DIAPH2: variants seen among roughly 807,000 people sequenced by gnomAD.
DIAPH2 encodes the protein diaphanous related formin 2, also known as protein diaphanous homolog 2.
Under a neutral mutation model 92.7 loss-of-function variants are expected in DIAPH2, and 35 were observed. The ratio of observed to expected loss-of-function variants is 0.38; its 90% CI spans 0.29 to 0.50. The LOEUF (loss-of-function observed/expected upper bound fraction) is 0.50. Ranked by LOEUF, DIAPH2 falls within the 20% of genes least tolerant of loss-of-function variation. The pLI is 0.94. For synonymous variants in DIAPH2, 301 were observed against 280.4 expected, an observed-to-expected ratio of 1.07 and a Z score of -0.73; for missense variants, 701 against 819.5, an observed-to-expected ratio of 0.86 and a Z score of 1.77.
At chrX:96,827,102 C>A (rs1180362862) in intron 4 of DIAPH2, among the ~76,000 whole-genome samples, 1 of 112,514 alleles carries the variant, frequency 8.9e-6, no homozygotes, top group Non-Finnish European at 1.9e-5. Flanking sequence ...GAAACACATT[C>A]TTGTACTTGA....
intron 26 of DIAPH2, among the ~76,000 whole-genome samples, chrX:97,595,793 C>T (rs1366741565): frequency 1.8e-5 from 2 of 110,786 alleles, no homozygotes; most frequent in East Asian, 2.9e-4. Flanking sequence ...CCACCATGCC[C>T]GGCTAATTTT....
At chrX:97,042,588 A>G (rs919855263) in intron 17 of DIAPH2, among the ~76,000 whole-genome samples, 1 of 112,064 alleles carries the variant, frequency 8.9e-6, no homozygotes, top group Non-Finnish European at 1.9e-5. Context: ...ATACATGTGT[A>G]TGCATATCAG....
intron 23 of DIAPH2, among the ~76,000 whole-genome samples, chrX:97,294,747 C>T (rs188516768): frequency 5.4e-5 from 6 of 111,490 alleles, no homozygotes; most frequent in Admixed American, 2.9e-4. Context: ...TGTAAAATTG[C>T]GAGTAATTTT....
chrX:96,832,388 T>C (rs1352902451), intron 4 of DIAPH2, among the ~76,000 whole-genome samples: 3 of 111,416 alleles, frequency 2.7e-5, no homozygotes, highest in East Asian at 5.6e-4. Flanking sequence ...ATGGCTTATA[T>C]TGAGAGAAGG....
chrX:97,541,970 G>C (rs2071143778), intron 26 of DIAPH2, among the ~76,000 whole-genome samples: 1 of 112,300 alleles, frequency 8.9e-6, no homozygotes, highest in Non-Finnish European at 1.9e-5. Context: ...GGGGTAAATT[G>C]TATGAGGGTT....
intron 22 of DIAPH2, among the ~76,000 whole-genome samples, chrX:97,170,423 C>A (rs935630668): frequency 1.8e-5 from 2 of 111,871 alleles, no homozygotes; most frequent in African/African-American, 6.5e-5. Flanking sequence ...TGATAAAAGT[C>A]TTTTGTAAAG....
At position 96,937,323 on chromosome X, in the gene DIAPH2, C is replaced by T. The variant is rs2065663881; in HGVS notation, c.1180C>T (p.Arg394Cys). 1.8e-6 allele frequency: 2 copies of T among 1,134,862 alleles called. No individual in the cohort carries two copies. Among genetic ancestry groups the T allele is most frequent in the Admixed American group, 2.3e-5 (1 of 43,308 alleles). The allele number at this position is 1,134,862 out of a possible 1,213,427, so 93.5% of individuals were successfully genotyped here. The change falls in exon 11 of 27, where the codon CGT (arginine) becomes TGT (cysteine). Residue 394 changes from arginine to cysteine, a missense_variant. Transcript: ENST00000324765. ...AGATGACCTAACTGAATTATCACAC[C>T]GTCTCAATGACATTCGAGCAGAAAT... ...KEDDLTELSH[R>C]LNDIRAEMDD...
At chrX:97,556,912 A>C (rs1338127330) in intron 26 of DIAPH2, among the ~76,000 whole-genome samples, 3 of 111,968 alleles carry the variant, frequency 2.7e-5, no homozygotes, top group Non-Finnish European at 5.6e-5. Context: ...TGTCTCAACA[A>C]AATGCTATGG....
chrX:96,781,243 G>A (rs1423620314), intron 4 of DIAPH2, among the ~76,000 whole-genome samples: 2 of 111,738 alleles, frequency 1.8e-5, no homozygotes, highest in Non-Finnish European at 3.8e-5. Flanking sequence ...GTAAATCTGT[G>A]GGACTAAACT....
At chrX:97,388,315 A>T (rs2069620979) in intron 25 of DIAPH2, among the ~76,000 whole-genome samples, 1 of 111,773 alleles carries the variant, frequency 8.9e-6, no homozygotes, top group Admixed American at 9.5e-5. Context: ...TTTATTTTAT[A>T]AAAATACCAG....
intron 26 of DIAPH2, among the ~76,000 whole-genome samples, chrX:97,572,815 C>G (rs182751709): frequency 3.5e-4 from 39 of 111,587 alleles, no homozygotes; most frequent in Admixed American, 2.6e-3. Context: ...GCCCTCCTCT[C>G]TACTAAATTA....
intron 25 of DIAPH2, among the ~76,000 whole-genome samples, chrX:97,389,986 C>T: frequency 9.0e-6 from 1 of 110,548 alleles, no homozygotes; most frequent in Non-Finnish European, 1.9e-5. Context: ...AAGAATAGCT[C>T]CAATGGAAAA....
intron 26 of DIAPH2, among the ~76,000 whole-genome samples, chrX:97,456,595 G>T (rs1250943567): frequency 9.0e-6 from 1 of 111,355 alleles, no homozygotes; most frequent in African/African-American, 3.3e-5. Context: ...TTTGGCTATT[G>T]GGACTGTGCC....
At chrX:96,920,441 T>C (rs1017114908) in intron 9 of DIAPH2, among the ~76,000 whole-genome samples, 2 of 112,170 alleles carry the variant, frequency 1.8e-5, no homozygotes, top group African/African-American at 6.5e-5. Flanking sequence ...TACATTGATA[T>C]ATTTTTAAAA....
intron 18 of DIAPH2, among the ~76,000 whole-genome samples, chrX:97,073,696 A>G (rs956897287): frequency 1.8e-5 from 2 of 112,333 alleles, no homozygotes; most frequent in East Asian, 2.8e-4. Flanking sequence ...AACACTATGC[A>G]TCAGAGATTT....
At chrX:97,288,706 A>G (rs1250082260) in intron 23 of DIAPH2, among the ~76,000 whole-genome samples, 1 of 102,504 alleles carries the variant, frequency 9.8e-6, no homozygotes, top group Non-Finnish European at 2.0e-5. Flanking sequence ...ACACCATTGC[A>G]CTCCAGCCTG....
intron 17 of DIAPH2, among the ~76,000 whole-genome samples, chrX:97,001,615 C>T (rs2066144872): frequency 9.0e-6 from 1 of 111,534 alleles, no homozygotes; most frequent in African/African-American, 3.3e-5. Flanking sequence ...CACTGCACTC[C>T]AGCCCGGGCA....
intron 17 of DIAPH2, among the ~76,000 whole-genome samples, chrX:97,036,925 G>A (rs917576370): frequency 3.6e-5 from 4 of 111,536 alleles, no homozygotes; most frequent in African/African-American, 1.3e-4. Flanking sequence ...GCTAAATAAT[G>A]TGCTGGATGA....
intron 17 of DIAPH2, among the ~76,000 whole-genome samples, chrX:97,038,187 T>C (rs1041267263): frequency 9.0e-6 from 1 of 111,541 alleles, no homozygotes; most frequent in Non-Finnish European, 1.9e-5. Context: ...AGAAATGTTA[T>C]CTTGTTCTTC....
Sources: gnomAD v4.1 joint callset for allele counts (sites outside exome capture counted in the v4.1 genomes callset) on GRCh38, gnomAD v4.1.1 for gene constraint, MANE v1.5 for transcripts, NCBI Gene and HGNC (gene_info 2026-07-23, HGNC 2026-07-21) for gene names.